UPF3B: variants seen among roughly 807,000 people sequenced by gnomAD.
UPF3B encodes the protein UPF3B regulator of nonsense mediated mRNA decay, also known as regulator of nonsense transcripts 3B.
Under a neutral mutation model 40.3 loss-of-function variants are expected in UPF3B, and 7 were observed. The ratio of observed to expected loss-of-function variants is 0.17; its 90% CI spans 0.10 to 0.33. The LOEUF (loss-of-function observed/expected upper bound fraction) is 0.33. Among genes scored for constraint, UPF3B ranks in the 10% least tolerant of loss-of-function variants. The pLI is 1.00. For missense variants in UPF3B, 229 were observed against 358.9 expected (o/e 0.64, Z 2.93); for synonymous variants, 117 against 117.3 (o/e 1.00, Z 0.01).
At chrX:119,850,805 C>G (rs2056293943) in intron 3 of UPF3B, among the ~76,000 whole-genome samples, 1 of 111,773 alleles carries the variant, frequency 8.9e-6, no homozygotes, top group Non-Finnish European at 1.9e-5. Context: ...GTGGCGTGAT[C>G]TCAGCTCACT....
At chrX:119,824,869 C>T (rs2055964902) in intron 3 of UPF3B, among the ~76,000 whole-genome samples, 1 of 105,448 alleles carries the variant, frequency 9.5e-6, no homozygotes, top group Non-Finnish European at 1.9e-5. Context: ...TGGGTTCCAG[C>T]AATTCTCCTG....
chrX:119,831,633 T>C (rs2056038418), downstream of UPF3B: 1 of 721,740 alleles, frequency 1.4e-6, no homozygotes, highest in Admixed American at 8.6e-5. Context: ...CCTTCTTTTC[T>C]ACAGCTAATA....
chrX:119,817,059 C>T lies in UPF3B; in HGVS notation c.495-1752G>A, dbSNP rs1367388072. 2.7e-5 allele frequency among the ~76,000 whole-genome samples: 3 copies of T among 111,631 alleles called. No individual in the cohort carries two copies. The East Asian group carries it at 8.4e-4, about 31-fold the overall frequency. ...GATCTCGGCTGACCACACTTCTGCC[C>T]TTCAGGTTTAGGCGCTTCTCCTGCC... is the stretch of plus-strand genomic sequence containing the variant. On this transcript the variant is annotated intron_variant, in intron 4 of 6. Coordinates refer to the UPF3B transcript ENST00000636792.
At position 119,841,269 on chromosome X, in the gene UPF3B, A is replaced by G. The variant is rs2056158296; in HGVS notation, c.625-11T>C. 2.5e-6 allele frequency: 3 copies of G among 1,200,029 alleles called. No homozygotes were observed. The highest frequency in any genetic ancestry group is 3.4e-6 in the Non-Finnish European group (3 of 893,054). On this transcript the variant is annotated splice_polypyrimidine_tract_variant and intron_variant, in intron 6 of 10. Transcript: ENST00000276201. ...TTCTTCTCTCATTCTCTAGAAAGAA[A>G]CATCAACACAAGCCTTCAAATAAAA...
rs757005672 is a variant in UPF3B, at chrX:119,834,443, C to T, written c.*435G>A. On this transcript the variant is annotated 3_prime_UTR_variant, in exon 11 of 11. Transcript: ENST00000276201. ...ACTACCCAATGTCAACACTTATCAT[C>T]AACAATACAATAGAATTAGATCGGA... The T allele has an allele frequency of 1.2e-6, 1 of 819,341 alleles. No homozygotes were observed. The highest frequency in any genetic ancestry group is 2.2e-5 in the African/African-American group (1 of 45,560). The allele number at this position is 819,341 out of a possible 1,213,427, so 67.5% of individuals were successfully genotyped here.
intron 4 of UPF3B, among the ~76,000 whole-genome samples, chrX:119,818,821 A>G (rs1456688418): frequency 9.0e-6 from 1 of 111,438 alleles, no homozygotes; most frequent in African/African-American, 3.3e-5. Flanking sequence ...GGCACCAACC[A>G]ATAGATCATG....
intron 3 of UPF3B, among the ~76,000 whole-genome samples, chrX:119,849,147 G>A (rs1177488559): frequency 1.8e-5 from 2 of 111,629 alleles, no homozygotes; most frequent in African/African-American, 6.5e-5. Context: ...AGTCATGGAG[G>A]AAAAATTATG....
chrX:119,844,699 G>A lies in UPF3B; in HGVS notation c.469+499C>T, dbSNP rs190319248. Among the ~76,000 whole-genome samples the A allele has an allele frequency of 2.6e-3, 289 of 110,564 alleles. 3 individuals carry two copies. The highest frequency in any genetic ancestry group is 3.8e-3 in the Non-Finnish European group (200 of 52,829). On this transcript the variant is annotated intron_variant, in intron 4 of 10. Coordinates refer to ENST00000276201, the MANE Select transcript of UPF3B (RefSeq NM_080632.3). ...GCTCACTGCAACCTCCGCCTCCTGG[G>A]TTCAAGAGATTCTCCTGCCTCAGCC...
chrX:119,846,712 T>C (rs1304171301), intron 3 of UPF3B, among the ~76,000 whole-genome samples: 4 of 106,608 alleles, frequency 3.8e-5, no homozygotes, highest in African/African-American at 1.0e-4. Flanking sequence ...TAAGTGTTCT[T>C]ACCACAATAA....
At chrX:119,808,669 A>G (rs1426003796) in intron 5 of UPF3B, among the ~76,000 whole-genome samples, 1 of 106,107 alleles carries the variant, frequency 9.4e-6, no homozygotes. Flanking sequence ...CTGGACAGGC[A>G]AGGCAAGTAG....
intron 4 of UPF3B, among the ~76,000 whole-genome samples, chrX:119,821,864 C>T (rs1381456253): frequency 9.0e-6 from 1 of 111,697 alleles, no homozygotes; most frequent in African/African-American, 3.3e-5. Flanking sequence ...CCACACTTAG[C>T]TTCATACTTG....
At chrX:119,807,997 G>T (rs2055805736) in intron 5 of UPF3B, among the ~76,000 whole-genome samples, 1 of 111,409 alleles carries the variant, frequency 9.0e-6, no homozygotes, top group South Asian at 3.8e-4. Flanking sequence ...GTCTCCCTAT[G>T]TTATCCAGGC....
At chrX:119,817,142 G>A (rs1012070891) in intron 4 of UPF3B, among the ~76,000 whole-genome samples, 1 of 110,535 alleles carries the variant, frequency 9.0e-6, no homozygotes, top group Non-Finnish European at 1.9e-5. Flanking sequence ...GCTAATTTTT[G>A]TATTTTTAGT....
chrX:119,828,072 G>C (rs190467962), intron 3 of UPF3B, among the ~76,000 whole-genome samples: 4 of 104,247 alleles, frequency 3.8e-5, no homozygotes, highest in African/African-American at 1.1e-4. Flanking sequence ...TTCTTTTTTC[G>C]AGCCGGAGTC....
intron 5 of UPF3B, among the ~76,000 whole-genome samples, chrX:119,811,516 C>T (rs1427177115): frequency 9.1e-6 from 1 of 109,737 alleles, no homozygotes. Flanking sequence ...CTTGGTGTCA[C>T]GTGCTTGAAG....
chrX:119,852,324 C>T (rs1028452954), intron 1 of UPF3B, among the ~76,000 whole-genome samples: 7 of 111,703 alleles, frequency 6.3e-5, no homozygotes, highest in African/African-American at 2.3e-4. Flanking sequence ...CTAACGAATA[C>T]AAAAAATCTA....
intron 3 of UPF3B, among the ~76,000 whole-genome samples, chrX:119,825,836 A>G (rs767105156): frequency 3.2e-4 from 36 of 112,218 alleles, no homozygotes; most frequent in African/African-American, 1.1e-3. Context: ...TCAATTTGCA[A>G]GGAAAGAAAT....
intron 8 of UPF3B, among the ~76,000 whole-genome samples, chrX:119,839,547 C>A: frequency 1.8e-5 from 2 of 112,114 alleles, no homozygotes; most frequent in Non-Finnish European, 3.8e-5. Context: ...CAGAGAGATT[C>A]TTAGGCAAAA....
chrX:119,841,145 A>G lies in UPF3B; in HGVS notation c.738T>C (p.Asp246=), dbSNP rs759453199. ...WKEEEKRKRK[D]IEKLKKIDRI... is the part of the protein sequence containing the mutation. ...TGTCTATCTTCTTTAGCTTTTCTATATCTTTCCTTTTTCGTTTCTCTTCTT... is the reference window on the plus strand; with the variant it reads ...TGTCTATCTTCTTTAGCTTTTCTATGTCTTTCCTTTTTCGTTTCTCTTCTT... Residue 246 remains aspartate (D), a synonymous_variant, in exon 7 of 11, where the codon GAT becomes GAC. Transcript: ENST00000276201. 2 of 1,196,761 alleles carry G rather than the reference A, an allele frequency of 1.7e-6. No homozygotes were observed. Among genetic ancestry groups the G allele is most frequent in the African/African-American group, 3.5e-5 (2 of 56,622 alleles).
Sources: gnomAD v4.1 joint callset for allele counts (sites outside exome capture counted in the v4.1 genomes callset) on GRCh38, gnomAD v4.1.1 for gene constraint, MANE v1.5 for transcripts, NCBI Gene and HGNC (gene_info 2026-07-23, HGNC 2026-07-21) for gene names.